The following CUX1 variants were observed in gnomAD, a reference collection of about 807,000 sequenced individuals.
CUX1 encodes the protein cut like homeobox 1, also known as protein CASP.
CUX1 carries 31 observed loss-of-function variants against 158.8 expected under a neutral mutation model. The observed-to-expected ratio is 0.20, with a 90% CI of 0.15 to 0.26. The LOEUF (loss-of-function observed/expected upper bound fraction) is 0.26, where lower values mean the gene tolerates loss of function less well. CUX1 is among the 10% of genes least tolerant of loss of function. The pLI, the probability that CUX1 is intolerant of heterozygous loss-of-function variation, is 1.00. For synonymous variants in CUX1, 879 were observed against 862.1 expected (o/e 1.02, Z -0.34); for missense variants, 1,589 against 2,014.6 (o/e 0.79, Z 4.04).
intron 8 of CUX1, among the ~76,000 whole-genome samples, chr7:102,119,391 G>A (rs868942345): frequency 3.3e-5 from 5 of 152,302 alleles, no homozygotes; most frequent in East Asian, 1.9e-4. Flanking sequence ...GGGACAGCAC[G>A]GGCTGACTGT....
intron 2 of CUX1, among the ~76,000 whole-genome samples, chr7:101,935,800 G>C (rs1225973745): frequency 6.6e-6 from 1 of 152,188 alleles, no homozygotes; most frequent in African/African-American, 2.4e-5. Context: ...ACTTCACTCT[G>C]TCTGAGGCTT....
At chr7:102,243,773 A>G (rs1192994525) in intron 23 of CUX1, among the ~76,000 whole-genome samples, 1 of 151,952 alleles carries the variant, frequency 6.6e-6, no homozygotes, top group Non-Finnish European at 1.5e-5. Context: ...CACGCCTATA[A>G]TCCCAGCACT....
At chr7:102,042,620 A>C (rs1822248595) in intron 3 of CUX1, among the ~76,000 whole-genome samples, 1 of 152,084 alleles carries the variant, frequency 6.6e-6, no homozygotes, top group East Asian at 1.9e-4. Flanking sequence ...CCTACCTATA[A>C]AACTCATTTC....
At chr7:102,190,714 T>G (rs1794182315) in intron 12 of CUX1, among the ~76,000 whole-genome samples, 1 of 152,128 alleles carries the variant, frequency 6.6e-6, no homozygotes, top group Admixed American at 6.6e-5. Context: ...GGTTCGAGGC[T>G]TCCTCAGGGG....
intron 3 of CUX1, among the ~76,000 whole-genome samples, chr7:102,069,324 T>C (rs1198131512): frequency 6.6e-6 from 1 of 152,160 alleles, no homozygotes; most frequent in African/African-American, 2.4e-5. Context: ...CCTGCATATG[T>C]ATCCGCGTTC....
chr7:102,090,408 G>A (rs1828437437), intron 4 of CUX1, among the ~76,000 whole-genome samples: 1 of 150,240 alleles, frequency 6.7e-6, no homozygotes, highest in Admixed American at 6.6e-5. Flanking sequence ...TTTTTTTTGA[G>A]ATGGAGTCTC....
chr7:102,190,837 G>A (rs1008280040), intron 12 of CUX1, among the ~76,000 whole-genome samples: 2 of 152,178 alleles, frequency 1.3e-5, no homozygotes, highest in East Asian at 3.9e-4. Flanking sequence ...ATCTCTGCAG[G>A]CTGCCCCCTC....
At chr7:102,273,936 C>T (rs184898589) in intron 15 of CUX1, among the ~76,000 whole-genome samples, 10 of 152,380 alleles carry the variant, frequency 6.6e-5, no homozygotes, top group African/African-American at 2.4e-4. Context: ...TCCCAGGTCA[C>T]GTGGCAGGCT....
chr7:102,222,640 C>T (rs1167876537), intron 20 of CUX1, among the ~76,000 whole-genome samples: 2 of 151,698 alleles, frequency 1.3e-5, no homozygotes, highest in Non-Finnish European at 2.9e-5. Context: ...TCGAGATTCA[C>T]GCATGTCGAT....
At chr7:102,261,257 G>A (rs529641195), downstream of CUX1, among the ~76,000 whole-genome samples, 1 of 152,302 alleles carries the variant, frequency 6.6e-6, no homozygotes, top group East Asian at 1.9e-4. Flanking sequence ...ACTTTGGGAG[G>A]CTGAGGTGGA....
chr7:101,850,555 AT>A (rs1796171512), intron 1 of CUX1, among the ~76,000 whole-genome samples: 1 of 148,628 alleles, frequency 6.7e-6, no homozygotes, highest in African/African-American at 2.5e-5. Flanking sequence ...TAATTGTTGT[AT>A]TTTTTGTAGA....
At chr7:101,833,642 G>T (rs1419976030) in intron 1 of CUX1, among the ~76,000 whole-genome samples, 1 of 151,520 alleles carries the variant, frequency 6.6e-6, no homozygotes, top group Non-Finnish European at 1.5e-5. Context: ...ACCTCGGGGC[G>T]TGGGAGAGCA....
chr7:101,817,739 C>A lies in CUX1; in HGVS notation c.30+70C>A. 1 of 1,531,436 alleles carries A rather than the reference C, an allele frequency of 6.5e-7. No individual in the cohort carries two copies. 94.9% of individuals were successfully genotyped at this position (1,531,436 alleles called of 1,614,324 possible). ...GGGAACCGGGGATGTCGGGGGGTGC[C>A]CGGGTCCCGCGGCTTAGAATGCTCT... On this transcript the variant is annotated intron_variant, in intron 1 of 23. Coordinates refer to ENST00000292535, the MANE Select transcript of CUX1 (RefSeq NM_181552.4). This position sits in a 1 kb window ranked among gnomAD's most constrained non-coding sequence, Gnocchi z 4.1.
Position 102,249,027 on chromosome 7 carries a change from C to G in CUX1, c.4503C>G (p.Ile1501Met). The change falls in exon 24 of 24, where the codon ATC (isoleucine) becomes ATG (methionine). Residue 1501 changes from isoleucine (I) to methionine (M), a missense_variant. Transcript: ENST00000292535. ...LEKAASREEP[I>M]EWEF is the part of the protein sequence containing the mutation. ...AGGCCGCCAGCCGGGAGGAACCTAT[C>G]GAATGGGAGTTCTGAGGGGCCGCGG... 1.5e-6 allele frequency: 2 copies of G among 1,365,022 alleles called. No individual in the cohort carries two copies. Among genetic ancestry groups the G allele is most frequent in the Non-Finnish European group, 1.9e-6 (2 of 1,046,216 alleles). The allele number at this position is 1,365,022 out of a possible 1,614,324, so 84.6% of individuals were successfully genotyped here.
intron 1 of CUX1, among the ~76,000 whole-genome samples, chr7:101,865,183 C>T (rs1156930916): frequency 2.0e-5 from 3 of 152,210 alleles, no homozygotes; most frequent in Non-Finnish European, 4.4e-5. Context: ...TCCGCTGACA[C>T]CATTTCGAGG....
At chr7:102,195,739 C>T (rs960804708) in intron 14 of CUX1, 136 bp downstream of exon 14, 28 of 748,146 alleles carry the variant, frequency 3.7e-5, no homozygotes, top group Non-Finnish European at 5.4e-5. Flanking sequence ...CTTTGACTAA[C>T]GCGTGTTGGG....
rs781981664 is a variant in CUX1, at chr7:102,145,273, C to T, written c.675-13287C>T. On this transcript the variant is annotated intron_variant, in intron 8 of 23. Transcript: ENST00000292535. ...CCAGAAAAGATTCTCCACCCCACTG[C>T]TGAGATTTTACTGATTGCCTCCCCA... is the stretch of plus-strand genomic sequence containing the variant. 5.8e-4 allele frequency among the ~76,000 whole-genome samples: 88 copies of T among 151,918 alleles called. 2 individuals are homozygous for T. Among genetic ancestry groups the T allele is most frequent in the Non-Finnish European group, 1.8e-4 (12 of 68,012 alleles).
chr7:102,222,038 C>T (rs956868208), intron 20 of CUX1, among the ~76,000 whole-genome samples: 5 of 151,990 alleles, frequency 3.3e-5, no homozygotes, highest in Admixed American at 2.0e-4. Flanking sequence ...GTGGGTGGTT[C>T]GCTGGAGCCC....
chr7:102,180,224 T>C (rs773713722), intron 11 of CUX1, among the ~76,000 whole-genome samples: 3 of 151,998 alleles, frequency 2.0e-5, no homozygotes, highest in Non-Finnish European at 4.4e-5. Context: ...GGTTTCACCA[T>C]GTTGGCCAGT....
Sources: gnomAD v4.1 joint callset for allele counts (sites outside exome capture counted in the v4.1 genomes callset) on GRCh38, gnomAD v4.1.1 for gene constraint, Gnocchi (gnomAD v3.1) non-coding constraint, MANE v1.5 for transcripts, NCBI Gene and HGNC (gene_info 2026-07-23, HGNC 2026-07-21) for gene names.